The following COL14A1 variants were observed in gnomAD, a reference collection of about 807,000 sequenced individuals.
COL14A1 encodes collagen alpha-1(XIV) chain.
A neutral mutation model predicts 230.3 loss-of-function variants in COL14A1; 136 were observed. The ratio of observed to expected loss-of-function variants is 0.59; its 90% CI spans 0.51 to 0.68. The LOEUF is 0.68. Ranked by LOEUF, COL14A1 falls within the 30% of genes least tolerant of loss-of-function variation. COL14A1 has a pLI of 0.00. For missense variants in COL14A1, 1,976 were observed against 2,215.8 expected (o/e 0.89, Z 2.17); for synonymous variants, 792 against 784.1 (o/e 1.01, Z -0.17).
At chr8:120,249,512 GT>G (rs1158470078) in intron 21 of COL14A1, among the ~76,000 whole-genome samples, 1 of 152,098 alleles carries the variant, frequency 6.6e-6, no homozygotes, top group Non-Finnish European at 1.5e-5. Context: ...TGCTTAATTT[GT>G]TTTTTGGATC....
chr8:120,161,801 C>T (rs1316952313), intron 3 of COL14A1, among the ~76,000 whole-genome samples: 6 of 152,076 alleles, frequency 3.9e-5, no homozygotes, highest in Non-Finnish European at 8.8e-5. Flanking sequence ...GTAGCTGGGA[C>T]TACAGACAAA....
intron 14 of COL14A1, among the ~76,000 whole-genome samples, chr8:120,224,370 A>C (rs1182798438): frequency 6.6e-6 from 1 of 152,138 alleles, no homozygotes; most frequent in African/African-American, 2.4e-5. Context: ...TAAGCCACCT[A>C]CTGTGAAAAG....
At position 120,250,067 on chromosome 8, in the gene COL14A1, G is replaced by T. The variant is rs112230058; in HGVS notation, c.2603-550G>T. 2.0e-3 allele frequency among the ~76,000 whole-genome samples: 310 copies of T among 152,270 alleles called. 1 individual carries two copies. The highest frequency in any genetic ancestry group is 7.0e-3 in the African/African-American group (293 of 41,570). On this transcript the variant is annotated intron_variant, in intron 21 of 47. Coordinates refer to ENST00000297848, the MANE Select transcript of COL14A1 (RefSeq NM_021110.4). ...ATTGAAGAAGAGGTGAAAACATACA[G>T]ACCTGAAAATGCTAGCTAATCAAGG...
At chr8:120,193,516 A>T (rs1042473351) in intron 5 of COL14A1, among the ~76,000 whole-genome samples, 4 of 152,160 alleles carry the variant, frequency 2.6e-5, no homozygotes, top group Admixed American at 2.0e-4. Context: ...CCACTTGAGG[A>T]GGCAGTCTGC....
intron 20 of COL14A1, among the ~76,000 whole-genome samples, chr8:120,245,556 C>T (rs1818735277): frequency 6.6e-6 from 1 of 152,132 alleles, no homozygotes; most frequent in Non-Finnish European, 1.5e-5. Flanking sequence ...TGGCTTAAAA[C>T]AGTGACCATT....
intron 22 of COL14A1, among the ~76,000 whole-genome samples, chr8:120,251,798 C>T (rs1378335192): frequency 6.6e-6 from 1 of 152,048 alleles, no homozygotes; most frequent in Non-Finnish European, 1.5e-5. Context: ...TTCATAGATA[C>T]CCTAGAGATT....
At chr8:120,234,461 G>T (rs1586790438) in intron 19 of COL14A1, among the ~76,000 whole-genome samples, 1 of 152,086 alleles carries the variant, frequency 6.6e-6, no homozygotes, top group Admixed American at 6.5e-5. Context: ...GTCATAAATA[G>T]CTCTTTTTAT....
chr8:120,171,407 A>G (rs1326238055), intron 5 of COL14A1, among the ~76,000 whole-genome samples: 1 of 152,140 alleles, frequency 6.6e-6, no homozygotes, highest in Non-Finnish European at 1.5e-5. Context: ...CTGTGTATCC[A>G]CTTCCCTTCA....
In COL14A1 at chr8:120,342,759, G is replaced by A. The variant is rs540487072; in HGVS notation, c.4888+313G>A. Reference sequence around the variant, plus strand: ...CCTTTCTCATCTTTCCAGGTGGGTAGGATTTTTTCTCAAGTGTTCAGCACT... The same window carrying A: ...CCTTTCTCATCTTTCCAGGTGGGTAAGATTTTTTCTCAAGTGTTCAGCACT... On this transcript the variant is annotated intron_variant, in intron 44 of 47. Coordinates refer to ENST00000297848, the MANE Select transcript of COL14A1 (RefSeq NM_021110.4). Among the ~76,000 whole-genome samples the A allele has an allele frequency of 7.2e-5, 11 of 152,272 alleles. No individual in the cohort carries two copies. In the South Asian group the frequency reaches 2.3e-3, roughly 32 times the overall value.
At chr8:120,208,156 G>C in intron 10 of COL14A1, 76 bp from the exon 11 acceptor site, 1 of 1,401,802 alleles carries the variant, frequency 7.1e-7, no homozygotes, top group African/African-American at 1.4e-5. Flanking sequence ...TTTGCTGGAC[G>C]TATTTTCGCT....
At chr8:120,182,715 T>C (rs1816499081) in intron 5 of COL14A1, among the ~76,000 whole-genome samples, 1 of 149,644 alleles carries the variant, frequency 6.7e-6, no homozygotes, top group Admixed American at 6.7e-5. Context: ...TAATTTTTTT[T>C]ATTTTTCTTC....
rs145101924 is a variant in COL14A1 at position 120,151,379 on chromosome 8, G to C, written c.88+3449G>C. The stretch of plus-strand genomic sequence containing the variant: ...AAAAAAAAATAGTCTGGTGGCTCAC[G>C]TCTATAATCCCAGCACTTTGGGAGG... On this transcript the variant is annotated intron_variant, in intron 2 of 47. Coordinates refer to ENST00000297848, the MANE Select transcript of COL14A1 (RefSeq NM_021110.4). 5.5e-3 allele frequency among the ~76,000 whole-genome samples: 832 copies of C among 152,162 alleles called. 10 individuals are homozygous for C. The highest frequency in any genetic ancestry group is 0.019 in the African/African-American group (801 of 41,536).
At chr8:120,353,844 G>A (rs1351218238) in intron 45 of COL14A1, among the ~76,000 whole-genome samples, 2 of 151,834 alleles carry the variant, frequency 1.3e-5, no homozygotes, top group Admixed American at 6.5e-5. Flanking sequence ...GATTCCTCAG[G>A]AATCTAGAAC....
intron 33 of COL14A1, 104 bp from the exon 34 acceptor site, chr8:120,289,504 T>C (rs538792018): frequency 9.5e-7 from 1 of 1,049,330 alleles, no homozygotes; most frequent in South Asian, 1.8e-5. Flanking sequence ...CAGAATTCTT[T>C]CTCTTCTCTT....
chr8:120,142,614 A>G (rs1231135962), intron 1 of COL14A1, among the ~76,000 whole-genome samples: 2 of 152,240 alleles, frequency 1.3e-5, no homozygotes, highest in Non-Finnish European at 2.9e-5. Context: ...AATTTCCAGT[A>G]TGTGAATTTG....
intron 2 of COL14A1, 51 bp from the exon 3 acceptor site, chr8:120,158,079 T>C: frequency 1.0e-6 from 1 of 1,001,544 alleles, no homozygotes; most frequent in South Asian, 1.5e-5. Flanking sequence ...ATTTAACAAA[T>C]AGAAGCTTAA....
chr8:120,332,607 T>C (rs1434816550), intron 41 of COL14A1, 57 bp from the exon 42 acceptor site: 5 of 1,454,722 alleles, frequency 3.4e-6, no homozygotes, highest in Non-Finnish European at 4.8e-6. Flanking sequence ...AAGTTGGCTG[T>C]CATTGATGAG....
chr8:120,138,364 GT>G (rs1273725407), intron 1 of COL14A1, among the ~76,000 whole-genome samples: 2 of 152,116 alleles, frequency 1.3e-5, no homozygotes, highest in African/African-American at 4.8e-5. Context: ...TTTGAGGGCA[GT>G]TTTATGCAGA....
At chr8:120,286,884 C>A (rs545845560) in intron 33 of COL14A1, among the ~76,000 whole-genome samples, 16 of 152,308 alleles carry the variant, frequency 1.1e-4, no homozygotes, top group African/African-American at 3.6e-4. Context: ...GAAACACTTA[C>A]CTGTGGTGAT....
Sources: gnomAD v4.1 joint callset for allele counts (sites outside exome capture counted in the v4.1 genomes callset) on GRCh38, gnomAD v4.1.1 for gene constraint, MANE v1.5 for transcripts, NCBI Gene and HGNC (gene_info 2026-07-23, HGNC 2026-07-21) for gene names.